GALNT10: variants seen among roughly 807,000 people sequenced by gnomAD.
GALNT10 encodes polypeptide N-acetylgalactosaminyltransferase 10, also known as GalNAc transferase 10.
GALNT10 carries 41 observed loss-of-function variants against 75.0 expected under a neutral mutation model. That is an observed-to-expected ratio of 0.55 (90% CI 0.43 to 0.71). GALNT10 has a LOEUF of 0.71. GALNT10 is among the 30% of genes least tolerant of loss of function. The pLI is 0.00. For missense variants in GALNT10, 727 were observed against 818.5 expected, an observed-to-expected ratio of 0.89 and a Z score of 1.36; for synonymous variants, 302 against 313.0, an observed-to-expected ratio of 0.96 and a Z score of 0.37.
At chr5:154,363,795 A>G (rs1755434450) in intron 4 of GALNT10, among the ~76,000 whole-genome samples, 1 of 152,108 alleles carries the variant, frequency 6.6e-6, no homozygotes, top group African/African-American at 2.4e-5. Context: ...ATGTTTGGAG[A>G]CTCACAAGTG....
At chr5:154,225,180 C>T (rs1301373657) in intron 1 of GALNT10, among the ~76,000 whole-genome samples, 1 of 151,690 alleles carries the variant, frequency 6.6e-6, no homozygotes, top group Non-Finnish European at 1.5e-5. Flanking sequence ...ACAAGCTCCG[C>T]CTCTTGGGTT....
intron 1 of GALNT10, among the ~76,000 whole-genome samples, chr5:154,228,298 T>G (rs973809834): frequency 6.6e-6 from 1 of 152,230 alleles, no homozygotes; most frequent in Non-Finnish European, 1.5e-5. Flanking sequence ...CTACTGATAC[T>G]CAGTTGTTCT....
At chr5:154,397,000 A>G (rs1202929861) in intron 7 of GALNT10, among the ~76,000 whole-genome samples, 2 of 151,952 alleles carry the variant, frequency 1.3e-5, no homozygotes, top group African/African-American at 4.8e-5. Flanking sequence ...GGTGGTGGGC[A>G]CCTGTAATCC....
rs1755649801 is a variant in GALNT10, at chr5:154,376,218, G to T, written c.569-59G>T. ...AGTGCAGTTCACATGTAAGGGAGGAGTCATAAGGATGACTACTAAGCAACT... is the reference window on the plus strand; with the variant it reads ...AGTGCAGTTCACATGTAAGGGAGGATTCATAAGGATGACTACTAAGCAACT... On this transcript the variant is annotated intron_variant, in intron 4 of 11. Transcript: ENST00000297107. The surrounding 1 kb of genome is among the most constrained non-coding windows in gnomAD (Gnocchi z 4.1). 9.1e-7 allele frequency: 1 copy of T among 1,094,718 alleles called. No individual in the cohort carries two copies. The highest frequency in any genetic ancestry group is 2.4e-5 in the East Asian group (1 of 41,960). The allele number at this position is 1,094,718 out of a possible 1,614,324, so 67.8% of individuals were successfully genotyped here.
chr5:154,217,554 T>C (rs906065162), intron 1 of GALNT10, among the ~76,000 whole-genome samples: 2 of 152,114 alleles, frequency 1.3e-5, no homozygotes, highest in African/African-American at 4.8e-5. Context: ...AGAAAGCAGG[T>C]AGTGGAAGAG....
intron 4 of GALNT10, among the ~76,000 whole-genome samples, chr5:154,354,895 AC>A (rs1416842428): frequency 6.6e-6 from 1 of 152,208 alleles, no homozygotes; most frequent in Non-Finnish European, 1.5e-5. Context: ...CACTCCGTGA[AC>A]ATCATCAGTC....
intron 1 of GALNT10, among the ~76,000 whole-genome samples, chr5:154,246,054 C>T (rs910227266): frequency 2.0e-5 from 3 of 151,118 alleles, no homozygotes; most frequent in Admixed American, 6.6e-5. Flanking sequence ...TGACAACATG[C>T]GGTGTTTTTT....
chr5:154,215,630 CAG>C (rs1330909921), intron 1 of GALNT10, among the ~76,000 whole-genome samples: 1 of 152,178 alleles, frequency 6.6e-6, no homozygotes, highest in East Asian at 1.9e-4. Flanking sequence ...TAAGATATAA[CAG>C]TGATTTTCCT....
rs202022446 is a variant in GALNT10, at chr5:154,328,083, G to A, written c.402-1489G>A. Among the ~76,000 whole-genome samples, 1,127 of 147,554 alleles carry A rather than the reference G, an allele frequency of 7.6e-3. 11 individuals carry two copies. Among genetic ancestry groups the A allele is most frequent in the Non-Finnish European group, 0.011 (721 of 66,808 alleles). ...TTTCTTCAACAAACAAATCGAAGGG[G>A]AAAAAAAAAAAGGAGGGCAGAAGCT... is the stretch of plus-strand genomic sequence containing the variant. On this transcript the variant is annotated intron_variant, in intron 3 of 11. Transcript: ENST00000297107.
rs376758295 is a variant in GALNT10, at chr5:154,195,393, C to T, written c.159+4368C>T. ...TCTCCAGAGAACCTTTCTCCTCATG[C>T]GCAGTGGAGTGGGGAAAGGAGGTAG... On this transcript the variant is annotated intron_variant, in intron 1 of 11. Transcript: ENST00000297107. Among the ~76,000 whole-genome samples the T allele has an allele frequency of 1.1e-4, 16 of 152,302 alleles. 1 individual carries two copies. In the East Asian group the frequency reaches 1.9e-3, roughly 18 times the overall value.
chr5:154,267,950 T>G (rs900229969), intron 1 of GALNT10, among the ~76,000 whole-genome samples: 3 of 152,216 alleles, frequency 2.0e-5, no homozygotes, highest in African/African-American at 7.2e-5. Flanking sequence ...GGATATCCCC[T>G]TTTTCCTTTC....
chr5:154,311,536 GT>G (rs1436367590), intron 3 of GALNT10, among the ~76,000 whole-genome samples: 2 of 151,752 alleles, frequency 1.3e-5, no homozygotes, highest in Non-Finnish European at 2.9e-5. Context: ...CCAAGCCTGT[GT>G]TTTTTCTATT....
chr5:154,303,651 A>C (rs1446315106), intron 3 of GALNT10, among the ~76,000 whole-genome samples: 1 of 152,218 alleles, frequency 6.6e-6, no homozygotes, highest in Non-Finnish European at 1.5e-5. Flanking sequence ...GCATCTAATC[A>C]GCCCTAGACT....
intron 7 of GALNT10, among the ~76,000 whole-genome samples, chr5:154,393,983 T>A (rs1486165635): frequency 6.6e-6 from 1 of 152,172 alleles, no homozygotes; most frequent in Non-Finnish European, 1.5e-5. Context: ...GTGCAGAGAC[T>A]CCCAGGGAAG....
At chr5:154,385,248 C>T (rs2113183980) in intron 6 of GALNT10, among the ~76,000 whole-genome samples, 1 of 152,286 alleles carries the variant, frequency 6.6e-6, no homozygotes, top group South Asian at 2.1e-4. Flanking sequence ...TGGTTGGCCC[C>T]TACCAGGTGC....
chr5:154,201,990 G>T (rs1388702385), intron 1 of GALNT10, among the ~76,000 whole-genome samples: 2 of 152,064 alleles, frequency 1.3e-5, no homozygotes, highest in Non-Finnish European at 2.9e-5. Context: ...TTTTCTGCCT[G>T]TGCTTCCTGG....
At chr5:154,286,323 A>C (rs1222872545) in intron 1 of GALNT10, among the ~76,000 whole-genome samples, 1 of 152,096 alleles carries the variant, frequency 6.6e-6, no homozygotes, top group Non-Finnish European at 1.5e-5. Context: ...ACAGATGGAC[A>C]GATGGATTGA....
intron 1 of GALNT10, among the ~76,000 whole-genome samples, chr5:154,262,895 G>A (rs558655408): frequency 5.9e-5 from 9 of 152,096 alleles, no homozygotes; most frequent in African/African-American, 1.7e-4. Context: ...CCAGATTAAA[G>A]AAAATGAAAG....
intron 1 of GALNT10, among the ~76,000 whole-genome samples, chr5:154,241,869 C>T (rs78494566): frequency 0.019 from 2,959 of 152,280 alleles, 79 homozygotes; most frequent in African/African-American, 0.067. Context: ...GAATTGGAGT[C>T]ATCATAAGGC....
Sources: allele counts gnomAD v4.1 joint callset (sites outside exome capture counted in the v4.1 genomes callset), GRCh38; gene constraint gnomAD v4.1.1; non-coding constraint Gnocchi (gnomAD v3.1); transcripts MANE v1.5; gene names NCBI Gene and HGNC (gene_info 2026-07-23, HGNC 2026-07-21).